SHTN1: variants seen among roughly 807,000 people sequenced by gnomAD.
SHTN1 encodes the protein shootin 1.
SHTN1 carries 42 observed loss-of-function variants against 83.1 expected under a neutral mutation model. That is an observed-to-expected ratio of 0.51 (90% CI 0.39 to 0.65). SHTN1 has a LOEUF of 0.65. SHTN1 is among the 30% of genes least tolerant of loss of function. SHTN1 has a pLI of 0.00. For missense variants in SHTN1, 622 were observed against 737.8 expected, an observed-to-expected ratio of 0.84 and a Z score of 1.82; for synonymous variants, 224 against 247.7, an observed-to-expected ratio of 0.90 and a Z score of 0.90.
At chr10:117,029,419 G>A (rs1478173797) in intron 2 of SHTN1, among the ~76,000 whole-genome samples, 2 of 152,176 alleles carry the variant, frequency 1.3e-5, no homozygotes, top group African/African-American at 2.4e-5. Context: ...TGTTGAGAAG[G>A]CATGATGGTA....
intron 4 of SHTN1, among the ~76,000 whole-genome samples, chr10:116,958,888 C>CA (rs1399393025): frequency 2.0e-4 from 30 of 152,166 alleles, no homozygotes; most frequent in African/African-American, 7.2e-4. Context: ...TACTGTCCCA[C>CA]AAACCAGTGC....
rs558547712 is a variant in SHTN1, at chr10:116,882,262, C to A, written c.*4082G>T. The A allele has an allele frequency of 1.3e-5, 2 of 151,866 alleles. No homozygotes were observed. The highest frequency in any genetic ancestry group is 2.4e-5 in the African/African-American group (1 of 41,316). 9.4% of individuals were successfully genotyped at this position (151,866 alleles called of 1,614,324 possible). A position where few individuals can be genotyped will look rare whatever the true frequency, so the allele number is the denominator to read the frequency against. On this transcript the variant is annotated 3_prime_UTR_variant, in exon 17 of 17. Transcript: ENST00000355371. ...TTTTCTTGTATTATTTTTATCTTTG[C>A]GAGTCTTCTTAGATCCTTTTTGGAG...
intron 15 of SHTN1, among the ~76,000 whole-genome samples, chr10:116,902,948 T>G (rs1166313522): frequency 6.6e-6 from 1 of 152,216 alleles, no homozygotes; most frequent in African/African-American, 2.4e-5. Flanking sequence ...AGCTCTGGAA[T>G]GCTATTCTTC....
chr10:116,923,510 A>G (rs966572700), intron 11 of SHTN1, among the ~76,000 whole-genome samples: 12 of 152,310 alleles, frequency 7.9e-5, no homozygotes, highest in African/African-American at 2.6e-4. Flanking sequence ...ATGGATATAC[A>G]GAGTAACACC....
At chr10:116,911,952 G>GTCAT in intron 13 of SHTN1, 109 bp from the exon 14 acceptor site, 1 of 780,128 alleles carries the variant, frequency 1.3e-6, no homozygotes, top group Non-Finnish European at 2.2e-6. Flanking sequence ...TAATATGTAT[G>GTCAT]ACTATATATA....
At chr10:117,005,734 A>G (rs1053679414), upstream of SHTN1, among the ~76,000 whole-genome samples, 1 of 152,194 alleles carries the variant, frequency 6.6e-6, no homozygotes, top group African/African-American at 2.4e-5. Flanking sequence ...AGCTACTTAA[A>G]TGACCATGCC....
intron 1 of SHTN1, among the ~76,000 whole-genome samples, chr10:117,077,658 G>A (rs1378942719): frequency 6.6e-6 from 1 of 151,992 alleles, no homozygotes; most frequent in Non-Finnish European, 1.5e-5. Flanking sequence ...GCCCCAGTGT[G>A]TGATGTTCCC....
intron 1 of SHTN1, among the ~76,000 whole-genome samples, chr10:117,081,918 TTCTC>T (rs1000529933): frequency 1.1e-4 from 17 of 150,994 alleles, no homozygotes; most frequent in African/African-American, 3.6e-4. Context: ...TATTTGATTC[TTCTC>T]TCTTTTTTTC....
chr10:116,983,691 C>A (rs4993925), intron 1 of SHTN1, among the ~76,000 whole-genome samples: 177 of 13,498 alleles, frequency 0.013, no homozygotes, highest in East Asian at 0.069. Context: ...TAGATAAATA[C>A]ATACATACAT....
At chr10:116,967,134 C>A (rs1357137185) in intron 3 of SHTN1, among the ~76,000 whole-genome samples, 1 of 152,208 alleles carries the variant, frequency 6.6e-6, no homozygotes, top group Admixed American at 6.5e-5. Context: ...ACTGACAGAA[C>A]ATCTGCAGAA....
chr10:116,945,489 T>C (rs142069653), intron 7 of SHTN1, among the ~76,000 whole-genome samples: 6 of 152,316 alleles, frequency 3.9e-5, no homozygotes, highest in Admixed American at 3.9e-4. Context: ...AGTGAATTCA[T>C]TTTTGTTCTT....
At chr10:117,051,513 G>A (rs985161587) in intron 1 of SHTN1, among the ~76,000 whole-genome samples, 12 of 151,878 alleles carry the variant, frequency 7.9e-5, no homozygotes, top group African/African-American at 2.7e-4. Flanking sequence ...AAAAATCCTC[G>A]ACAAAATACT....
chr10:116,905,551 C>T (rs1410871741), intron 15 of SHTN1, among the ~76,000 whole-genome samples: 1 of 152,028 alleles, frequency 6.6e-6, no homozygotes, highest in African/African-American at 2.4e-5. Context: ...TGGTATTAAG[C>T]CACTTTGGGT....
chr10:117,016,209 A>G (rs2133559907), intron 2 of SHTN1, among the ~76,000 whole-genome samples: 1 of 152,304 alleles, frequency 6.6e-6, no homozygotes, highest in African/African-American at 2.4e-5. Flanking sequence ...AGCAAAACAT[A>G]ACCTTATTGG....
intron 1 of SHTN1, 104 bp from the exon 2 acceptor site, chr10:116,979,412 T>C: frequency 2.3e-6 from 2 of 882,522 alleles, no homozygotes; most frequent in South Asian, 2.8e-5. Context: ...TAGGTTGAGG[T>C]AGGGTGGAGA....
chr10:117,096,161 A>G (rs572589767), intron 1 of SHTN1, among the ~76,000 whole-genome samples: 2 of 152,136 alleles, frequency 1.3e-5, no homozygotes, highest in African/African-American at 4.8e-5. Flanking sequence ...ATCTCCAAAA[A>G]TTAAACGGTC....
intron 1 of SHTN1, among the ~76,000 whole-genome samples, chr10:117,114,236 G>T (rs1415242311): frequency 6.6e-6 from 1 of 152,134 alleles, no homozygotes; most frequent in Non-Finnish European, 1.5e-5. Flanking sequence ...AACATAGCTT[G>T]TAAGTGGTAG....
chr10:117,075,250 T>C (rs1328970002), intron 1 of SHTN1, among the ~76,000 whole-genome samples: 3 of 152,114 alleles, frequency 2.0e-5, no homozygotes, highest in Non-Finnish European at 4.4e-5. Context: ...GCCCTCAACA[T>C]AGAGGCTCCC....
intron 1 of SHTN1, among the ~76,000 whole-genome samples, chr10:117,094,078 A>C (rs1029657740): frequency 4.6e-5 from 7 of 152,192 alleles, no homozygotes; most frequent in Admixed American, 2.0e-4. Flanking sequence ...GACCATAAAC[A>C]AATCACAGAG....
Sources: gnomAD v4.1 joint callset for allele counts (sites outside exome capture counted in the v4.1 genomes callset) on GRCh38, gnomAD v4.1.1 for gene constraint, MANE v1.5 for transcripts, NCBI Gene and HGNC (gene_info 2026-07-23, HGNC 2026-07-21) for gene names.